Variants in TES observed in about 807,000 individuals in gnomAD.
TES encodes testin LIM domain protein, also known as testin.
A neutral mutation model predicts 48.2 loss-of-function variants in TES; 41 were observed. That is an observed-to-expected ratio of 0.85 (90% CI 0.66 to 1.10). The LOEUF (loss-of-function observed/expected upper bound fraction) is 1.10, where lower values mean the gene tolerates loss of function less well. Ranked by LOEUF, TES falls within the 50% of genes least tolerant of loss-of-function variation. The pLI is 0.00. For synonymous variants in TES, 162 were observed against 174.9 expected (o/e 0.93, Z 0.58); for missense variants, 463 against 515.1 (o/e 0.90, Z 0.98).
chr7:116,218,188 A>G lies in TES; in HGVS notation c.27+7454A>G, dbSNP rs373451451. Among the ~76,000 whole-genome samples the G allele has an allele frequency of 7.9e-5, 12 of 152,252 alleles. No homozygotes were observed. In the South Asian group the frequency reaches 1.4e-3, roughly 18 times the overall value. The stretch of plus-strand genomic sequence containing the variant: ...AATCTGAAATGCTGAATTATCCTCA[A>G]ACCATGAGTGATTCAGCTTGTGTTT... On this transcript the variant is annotated intron_variant, in intron 1 of 6. Coordinates refer to ENST00000358204, the MANE Select transcript of TES (RefSeq NM_015641.4).
chr7:116,222,907 G>T lies in TES; in HGVS notation c.28-11627G>T, dbSNP rs1041396686. 20 of 905,048 alleles carry T rather than the reference G, an allele frequency of 2.2e-5. No homozygotes were observed. The African/African-American group carries it at 3.2e-4, about 15-fold the overall frequency. 56.1% of individuals were successfully genotyped at this position (905,048 alleles called of 1,614,324 possible). On this transcript the variant is annotated intron_variant, in intron 1 of 6. Coordinates refer to ENST00000358204, the MANE Select transcript of TES (RefSeq NM_015641.4). ...TCCTAATTAAGAAGCAATTTCAGCT[G>T]CAGTCATTGCTTATTATAATAATTG...
At chr7:116,234,788 T>TTAAG (rs373845138) in intron 2 of TES, among the ~76,000 whole-genome samples, 169 bp downstream of exon 2, 45 of 152,346 alleles carry the variant, frequency 3.0e-4, no homozygotes, top group African/African-American at 1.0e-3. Context: ...CTTACTGTCA[T>TTAAG]TAAGTTTGAC....
At position 116,249,272 on chromosome 7, in the gene TES, G is replaced by A; in HGVS notation, c.366G>A (p.Leu122=). ...EWAPPVQNQA[L]ARQYMQMLPK... is the part of the protein sequence containing the mutation. ...CTCCTCCTGTCCAGAATCAAGCATT[G>A]GTAAATGATATGGAACAGAGAGTTT... Residue 122 remains leucine, a splice_region_variant and synonymous_variant, in exon 3 of 7, where the codon TTG becomes TTA. Transcript: ENST00000358204. 3.7e-6 allele frequency: 6 copies of A among 1,613,830 alleles called. No individual in the cohort carries two copies. The highest frequency in any genetic ancestry group is 5.1e-6 in the Non-Finnish European group (6 of 1,179,912).
chr7:116,230,560 C>T (rs929001649), intron 1 of TES, among the ~76,000 whole-genome samples: 2 of 152,190 alleles, frequency 1.3e-5, no homozygotes, highest in Admixed American at 1.3e-4. Flanking sequence ...GAGAGGTGCT[C>T]TTGCTCCTCA....
intron 5 of TES, 128 bp downstream of exon 5, chr7:116,252,103 A>T: frequency 1.9e-6 from 2 of 1,075,048 alleles, no homozygotes; most frequent in Non-Finnish European, 2.7e-6. Flanking sequence ...GTTTTAAAAA[A>T]TAAACTTCTG....
At chr7:116,236,217 C>T (rs543675094) in intron 2 of TES, among the ~76,000 whole-genome samples, 5 of 152,236 alleles carry the variant, frequency 3.3e-5, no homozygotes, top group Non-Finnish European at 7.4e-5. Flanking sequence ...GCTGCACTGC[C>T]CTCTCCTGGG....
chr7:116,217,805 A>C (rs776230033), intron 1 of TES: 1 of 518,176 alleles, frequency 1.9e-6, no homozygotes, highest in African/African-American at 1.9e-5. Context: ...CCCAACTACA[A>C]TCTTTGACTC....
intron 2 of TES, among the ~76,000 whole-genome samples, chr7:116,236,402 T>C (rs188755155): frequency 2.6e-5 from 4 of 152,322 alleles, no homozygotes; most frequent in Non-Finnish European, 5.9e-5. Flanking sequence ...TACAAAATTA[T>C]TTAAAATATG....
chr7:116,219,954 G>T (rs1045379443), intron 1 of TES, among the ~76,000 whole-genome samples: 6 of 151,800 alleles, frequency 4.0e-5, no homozygotes, highest in Non-Finnish European at 7.4e-5. Context: ...TTTTAATCTG[G>T]TCACTCTTCT....
At chr7:116,246,592 C>A (rs1425359346) in intron 2 of TES, among the ~76,000 whole-genome samples, 1 of 152,204 alleles carries the variant, frequency 6.6e-6, no homozygotes, top group Non-Finnish European at 1.5e-5. Flanking sequence ...TCATACCAAC[C>A]TCCCCTGGTT....
In TES at chr7:116,242,507, ATCTCTCTC is replaced by A. The variant is rs60510276; in HGVS notation, c.114-6489_114-6482del. ...AAAGCAATTTGCCTCTTCACCACCT[ATCTCTCTC>A]TCTCTCTCTCTCTCTCTCTCTCTGT... On this transcript the variant is annotated intron_variant, in intron 2 of 6. Coordinates refer to ENST00000358204, the MANE Select transcript of TES (RefSeq NM_015641.4). Among the ~76,000 whole-genome samples the A allele has an allele frequency of 1.0e-3, 145 of 141,956 alleles. 1 individual carries two copies. The highest frequency in any genetic ancestry group is 2.8e-3 in the African/African-American group (109 of 38,728). 93.1% of individuals were successfully genotyped at this position (141,956 alleles called of 152,430 possible). A position where few individuals can be genotyped will look rare whatever the true frequency, so the allele number is the denominator to read the frequency against.
At position 116,211,771 on chromosome 7, in the gene TES, G is replaced by T. The variant is rs529604884; in HGVS notation, c.27+1037G>T. On this transcript the variant is annotated intron_variant, in intron 1 of 6. Coordinates refer to ENST00000358204, the MANE Select transcript of TES (RefSeq NM_015641.4). Reference sequence around the variant, plus strand: ...CTTCTAAACACAAAGTTTTTGACTTGAGCATTAATTCTATTTTATGCCCAG... The same window carrying T: ...CTTCTAAACACAAAGTTTTTGACTTTAGCATTAATTCTATTTTATGCCCAG... 1.5e-4 allele frequency among the ~76,000 whole-genome samples: 23 copies of T among 151,560 alleles called. No homozygotes were observed. The South Asian group carries it at 4.4e-3, about 29-fold the overall frequency.
intron 2 of TES, among the ~76,000 whole-genome samples, chr7:116,246,947 CTTTTTTTTTTTT>C: frequency 7.6e-6 from 1 of 131,492 alleles, no homozygotes; most frequent in African/African-American, 2.9e-5. Context: ...GACTAGGCCC[CTTTTTTTTTTTT>C]TTTTTTTTAA....
chr7:116,214,038 G>T (rs905717851), intron 1 of TES, among the ~76,000 whole-genome samples: 7 of 151,952 alleles, frequency 4.6e-5, no homozygotes, highest in African/African-American at 1.7e-4. Context: ...CCCTTTTACT[G>T]CCTGGAATTG....
intron 1 of TES, among the ~76,000 whole-genome samples, chr7:116,229,121 G>T (rs933319405): frequency 1.4e-4 from 21 of 150,558 alleles, no homozygotes; most frequent in Middle Eastern, 3.5e-3. Flanking sequence ...CAAGGGTCTA[G>T]ATTTCACTTT....
At chr7:116,223,154 C>T in intron 1 of TES, 1 of 249,178 alleles carries the variant, frequency 4.0e-6, no homozygotes, top group Non-Finnish European at 6.4e-6. Flanking sequence ...CAGTCGCTTA[C>T]CTGAAATAAG....
intron 1 of TES, among the ~76,000 whole-genome samples, chr7:116,232,869 A>G (rs903806243): frequency 5.9e-5 from 9 of 152,214 alleles, no homozygotes; most frequent in East Asian, 3.8e-4. Flanking sequence ...AGTATACTTT[A>G]TATGGTCTAA....
chr7:116,254,774 GTGT>G (rs1800073217), intron 6 of TES, among the ~76,000 whole-genome samples: 1 of 151,306 alleles, frequency 6.6e-6, no homozygotes, highest in Non-Finnish European at 1.5e-5. Context: ...GTGTGTGTGT[GTGT>G]GTGTGTGTGT....
intron 1 of TES, among the ~76,000 whole-genome samples, chr7:116,212,845 C>T (rs1160083104): frequency 1.3e-5 from 2 of 152,106 alleles, no homozygotes; most frequent in Admixed American, 1.3e-4. Flanking sequence ...TTCTCTAATC[C>T]TCCTCTTCTC....
Sources: gnomAD v4.1 joint callset for allele counts (sites outside exome capture counted in the v4.1 genomes callset) on GRCh38, gnomAD v4.1.1 for gene constraint, MANE v1.5 for transcripts, NCBI Gene and HGNC (gene_info 2026-07-23, HGNC 2026-07-21) for gene names.